CSMD3: variants seen among roughly 807,000 people sequenced by gnomAD.
CSMD3 encodes the protein CUB and Sushi multiple domains 3, also known as CUB and sushi domain-containing protein 3.
In CSMD3, 177 loss-of-function variants were observed where a neutral mutation model predicts 435.2. That is an observed-to-expected ratio of 0.41 (90% confidence interval 0.36 to 0.46). The LOEUF (loss-of-function observed/expected upper bound fraction) is 0.46, where lower values mean the gene tolerates loss of function less well. Ranked by LOEUF, CSMD3 falls within the 20% of genes least tolerant of loss-of-function variation. The probability of loss-of-function intolerance (pLI) is 0.34; values close to 1 mark genes in which losing one functional copy is unlikely to be tolerated. For missense variants in CSMD3, 4,265 were observed against 4,504.6 expected, an observed-to-expected ratio of 0.95 and a Z score of 1.52; for synonymous variants, 1,656 against 1,520.5, an observed-to-expected ratio of 1.09 and a Z score of -2.07.
chr8:112,924,837 A>C (rs2082861470), intron 9 of CSMD3, among the ~76,000 whole-genome samples: 1 of 152,060 alleles, frequency 6.6e-6, no homozygotes, highest in Non-Finnish European at 1.5e-5. Flanking sequence ...CTTTGCCCTA[A>C]ACTTCAGCTT....
At chr8:113,123,048 C>T (rs1036474891) in intron 4 of CSMD3, among the ~76,000 whole-genome samples, 6 of 151,808 alleles carry the variant, frequency 4.0e-5, no homozygotes. Context: ...ATAATGAAGA[C>T]TTAGTGAAGT....
At chr8:112,661,093 A>C (rs1387471802) in intron 17 of CSMD3, among the ~76,000 whole-genome samples, 1 of 152,218 alleles carries the variant, frequency 6.6e-6, no homozygotes, top group African/African-American at 2.4e-5. Context: ...CTTTTCAATT[A>C]GACTTTCTTA....
chr8:112,722,517 G>A (rs61473666), intron 13 of CSMD3, among the ~76,000 whole-genome samples: 2,662 of 152,094 alleles, frequency 0.018, 75 homozygotes, highest in African/African-American at 0.061. Flanking sequence ...AAAAATAAAC[G>A]AATAAGCAAA....
At chr8:112,896,811 C>T (rs1425124237) in intron 10 of CSMD3, among the ~76,000 whole-genome samples, 1 of 151,290 alleles carries the variant, frequency 6.6e-6, no homozygotes, top group Non-Finnish European at 1.5e-5. Context: ...TATATATATC[C>T]ATAGCCTCTA....
intron 28 of CSMD3, among the ~76,000 whole-genome samples, chr8:112,511,746 G>A (rs935069421): frequency 4.6e-5 from 7 of 152,066 alleles, no homozygotes; most frequent in Non-Finnish European, 7.4e-5. Context: ...GGATTTCCGC[G>A]TAGCATGTGA....
chr8:112,602,183 T>C (rs1832409477), intron 22 of CSMD3, among the ~76,000 whole-genome samples: 1 of 152,236 alleles, frequency 6.6e-6, no homozygotes. Context: ...TCCAATGTTA[T>C]AGCAAACAAA....
intron 22 of CSMD3, among the ~76,000 whole-genome samples, chr8:112,609,704 T>A (rs1833104007): frequency 6.6e-6 from 1 of 152,130 alleles, no homozygotes; most frequent in Admixed American, 6.6e-5. Flanking sequence ...ATCTGCATCC[T>A]CATGTTTATT....
intron 4 of CSMD3, among the ~76,000 whole-genome samples, chr8:113,122,488 T>C (rs1014268670): frequency 3.9e-5 from 6 of 152,100 alleles, no homozygotes; most frequent in African/African-American, 1.2e-4. Context: ...TTGATGCAAT[T>C]AAAATCCAAT....
At chr8:112,659,023 G>C (rs2075318250) in intron 17 of CSMD3, among the ~76,000 whole-genome samples, 1 of 152,100 alleles carries the variant, frequency 6.6e-6, no homozygotes, top group Admixed American at 6.6e-5. Context: ...TGTGAATATT[G>C]AAATTGGAGT....
At chr8:112,372,578 G>T (rs536660202) in intron 38 of CSMD3, among the ~76,000 whole-genome samples, 1 of 152,042 alleles carries the variant, frequency 6.6e-6, no homozygotes, top group African/African-American at 2.4e-5. Flanking sequence ...TGGCGGGCGC[G>T]GTGGCTCATG....
rs182938349 is a variant in CSMD3, at chr8:113,213,022, T to C, written c.515-39106A>G. 3.5e-3 allele frequency among the ~76,000 whole-genome samples: 538 copies of C among 151,884 alleles called. 3 individuals carry two copies. The highest frequency in any genetic ancestry group is 0.011 in the African/African-American group (459 of 41,486). On this transcript the variant is annotated intron_variant, in intron 3 of 70. Transcript: ENST00000297405. Reference sequence around the variant, plus strand: ...TTACCCCATGGAACCAGCTGTTGACTATAACAATTTCTTATCGCATTTATA... The same window carrying C: ...TTACCCCATGGAACCAGCTGTTGACCATAACAATTTCTTATCGCATTTATA...
intron 1 of CSMD3, among the ~76,000 whole-genome samples, chr8:113,363,564 T>TGG (rs946076534): frequency 1.3e-5 from 2 of 152,144 alleles, no homozygotes; most frequent in Admixed American, 1.3e-4. Context: ...CCCTAACTCT[T>TGG]CTAGTTTCTG....
chr8:113,212,233 T>C (rs576310119), intron 3 of CSMD3, among the ~76,000 whole-genome samples: 5 of 152,200 alleles, frequency 3.3e-5, no homozygotes, highest in African/African-American at 9.6e-5. Context: ...TCAAAGACAA[T>C]AGATTAATAA....
chr8:112,556,866 G>A lies in CSMD3; in HGVS notation c.4131C>T (p.Ile1377=), dbSNP rs752937032. The change falls in exon 25 of 71, where the codon ATC becomes ATT. Residue 1377 remains isoleucine, a synonymous_variant. Transcript: ENST00000297405. The part of the protein sequence containing the change: ...SDQGHFAGST[I]IYGCNPGYTL... ...TGTAGCCTGGATTGCATCCATAAAT[G>A]ATGGTGCTACCAGCAAAGTGGCCTT... 14 of 1,611,444 alleles carry A rather than the reference G, an allele frequency of 8.7e-6. No individual in the cohort carries two copies. The highest frequency in any genetic ancestry group is 1.3e-5 in the African/African-American group (1 of 74,800).
chr8:112,935,236 A>G (rs2083244367), intron 9 of CSMD3, among the ~76,000 whole-genome samples: 1 of 152,036 alleles, frequency 6.6e-6, no homozygotes, highest in African/African-American at 2.4e-5. Context: ...TGGCTTCTCT[A>G]TTCTGTTCCA....
At chr8:113,408,109 T>G (rs1430779166) in intron 1 of CSMD3, among the ~76,000 whole-genome samples, 1 of 152,120 alleles carries the variant, frequency 6.6e-6, no homozygotes, top group African/African-American at 2.4e-5. Context: ...ATACTGAGTT[T>G]AAAGAGTTGG....
chr8:112,804,227 C>G (rs1228293532), intron 12 of CSMD3, among the ~76,000 whole-genome samples: 3 of 151,778 alleles, frequency 2.0e-5, no homozygotes, highest in African/African-American at 7.3e-5. Flanking sequence ...TATCCAAATT[C>G]AAATTAGAGG....
chr8:112,700,515 C>A (rs1329705532), intron 13 of CSMD3, among the ~76,000 whole-genome samples: 1 of 151,780 alleles, frequency 6.6e-6, no homozygotes, highest in Non-Finnish European at 1.5e-5. Context: ...AACAAACAAA[C>A]AAAAGCAAAA....
intron 38 of CSMD3, among the ~76,000 whole-genome samples, chr8:112,353,797 C>T (rs887209010): frequency 3.9e-5 from 6 of 152,026 alleles, no homozygotes; most frequent in Admixed American, 3.9e-4. Context: ...TACCAATTTA[C>T]CAAAACTTAC....
Sources: allele counts gnomAD v4.1 joint callset (sites outside exome capture counted in the v4.1 genomes callset), GRCh38; gene constraint gnomAD v4.1.1; transcripts MANE v1.5; gene names NCBI Gene and HGNC (gene_info 2026-07-23, HGNC 2026-07-21).